NHS: variants seen among roughly 807,000 people sequenced by gnomAD.
NHS encodes the protein NHS actin remodeling regulator, also known as actin remodeling regulator NHS.
NHS carries 5 observed loss-of-function variants against 72.5 expected under a neutral mutation model. The ratio of observed to expected loss-of-function variants is 0.07; its 90% CI spans 0.04 to 0.14. The LOEUF (loss-of-function observed/expected upper bound fraction) is 0.14, where lower values mean the gene tolerates loss of function less well. NHS is among the 10% of genes least tolerant of loss of function. NHS has a pLI of 1.00. For missense variants in NHS, 1,072 were observed against 1,355.7 expected, an observed-to-expected ratio of 0.79 and a Z score of 3.29; for synonymous variants, 464 against 547.7, an observed-to-expected ratio of 0.85 and a Z score of 2.13.
chrX:17,563,636 G>A (rs1455941980), intron 1 of NHS, among the ~76,000 whole-genome samples: 1 of 112,153 alleles, frequency 8.9e-6, no homozygotes, highest in East Asian at 2.8e-4. Context: ...GTTTTTTCAG[G>A]AACTTTATAT....
At chrX:17,532,361 C>T (rs1189733221) in intron 1 of NHS, among the ~76,000 whole-genome samples, 1 of 110,412 alleles carries the variant, frequency 9.1e-6, no homozygotes, top group Non-Finnish European at 1.9e-5. Context: ...GGACCGGAGC[C>T]CCAGGAAACA....
intron 1 of NHS, among the ~76,000 whole-genome samples, chrX:17,459,210 A>G (rs1001781339): frequency 2.7e-5 from 3 of 112,614 alleles, no homozygotes; most frequent in Non-Finnish European, 5.6e-5. Flanking sequence ...CCATTTTGCC[A>G]AGTCTGCGGA....
intron 1 of NHS, among the ~76,000 whole-genome samples, chrX:17,573,867 G>A (rs190610511): frequency 9.0e-6 from 1 of 111,592 alleles, no homozygotes. Flanking sequence ...GTTTTGGTGT[G>A]GATGTCCTTT....
At chrX:17,585,738 GTAATAATAA>G (rs548692975) in intron 1 of NHS, among the ~76,000 whole-genome samples, 30 of 101,232 alleles carry the variant, frequency 3.0e-4, no homozygotes, top group South Asian at 8.5e-4. Context: ...AAAAATAATA[GTAATAATAA>G]TAATAATAAT....
intron 1 of NHS, among the ~76,000 whole-genome samples, chrX:17,442,667 C>A (rs1054584421): frequency 1.5e-4 from 17 of 112,233 alleles, no homozygotes; most frequent in African/African-American, 5.2e-4. Context: ...GAGTAGGGGG[C>A]AAATCACCAG....
intron 1 of NHS, among the ~76,000 whole-genome samples, chrX:17,638,983 T>TA (rs2147074335): frequency 8.9e-6 from 1 of 111,764 alleles, no homozygotes; most frequent in Admixed American, 9.4e-5. Flanking sequence ...AGCCAAATGT[T>TA]ACACTGAATT....
At chrX:17,452,140 A>T (rs951394462) in intron 1 of NHS, among the ~76,000 whole-genome samples, 37 of 111,744 alleles carry the variant, frequency 3.3e-4, no homozygotes, top group African/African-American at 1.1e-3. Flanking sequence ...ACATGTAAAT[A>T]GGCAATTGTG....
chrX:17,571,278 G>A (rs1163497951), intron 1 of NHS, among the ~76,000 whole-genome samples: 3 of 112,033 alleles, frequency 2.7e-5, no homozygotes, highest in Non-Finnish European at 3.8e-5. Context: ...GGTAGAATTC[G>A]GCTGTGAATC....
intron 1 of NHS, among the ~76,000 whole-genome samples, chrX:17,606,217 C>T (rs1569292201): frequency 8.9e-6 from 1 of 111,981 alleles, no homozygotes. Context: ...AGCATGTGGG[C>T]TGCTGTAAAG....
In NHS at chrX:17,727,016, G is replaced by A. The variant is rs771243823; in HGVS notation, c.2910G>A (p.Thr970=). 2.8e-5 allele frequency: 34 copies of A among 1,209,990 alleles called. No homozygotes were observed. The highest frequency in any genetic ancestry group is 3.6e-5 in the Non-Finnish European group (32 of 895,191). The change falls in exon 7 of 9, where the codon ACG becomes ACA. Residue 970 remains threonine, a synonymous_variant. Coordinates refer to ENST00000676302, the MANE Select transcript of NHS (RefSeq NM_001291867.2). ...CTCTATCTAATTCAAGCACCGCTAC[G>A]GGTACCACAGTCATTGAATGCATCA... is the stretch of plus-strand genomic sequence containing the variant. ...YRSLSNSSTA[T]GTTVIECIKS...
At position 17,733,684 on chromosome X, in the gene NHS, C is replaced by A. The variant is rs2066503199; in HGVS notation, c.*1220C>A. ...AAATTAACAGAAATGACACTGTGAACAATGTAGTTGGAAAATAGGTATGTG... is the reference window on the plus strand; with the variant it reads ...AAATTAACAGAAATGACACTGTGAAAAATGTAGTTGGAAAATAGGTATGTG... On this transcript the variant is annotated 3_prime_UTR_variant, in exon 9 of 9. Coordinates refer to ENST00000676302, the MANE Select transcript of NHS (RefSeq NM_001291867.2). 8.9e-6 allele frequency: 1 copy of A among 112,202 alleles called. No homozygotes were observed. Among genetic ancestry groups the A allele is most frequent in the Non-Finnish European group, 1.9e-5 (1 of 53,204 alleles). The allele number at this position is 112,202 out of a possible 1,213,427, so 9.2% of individuals were successfully genotyped here.
In NHS at chrX:17,565,139, G is replaced by A. The variant is rs780032773; in HGVS notation, c.566-122603G>A. On this transcript the variant is annotated intron_variant, in intron 1 of 8. Transcript: ENST00000676302. Reference sequence around the variant, plus strand: ...ACCCAGATCTTTAAGAGGCCTTGTGGCGTCCACCTTGTAGTGTCCCTCTTG... The same window carrying A: ...ACCCAGATCTTTAAGAGGCCTTGTGACGTCCACCTTGTAGTGTCCCTCTTG... 1.3e-3 allele frequency among the ~76,000 whole-genome samples: 142 copies of A among 111,185 alleles called. 1 individual carries two copies. Among genetic ancestry groups the A allele is most frequent in the Middle Eastern group, 9.3e-3 (2 of 215 alleles).
chrX:17,464,139 TC>T (rs2064861028), intron 1 of NHS, among the ~76,000 whole-genome samples: 1 of 112,011 alleles, frequency 8.9e-6, no homozygotes, highest in African/African-American at 3.2e-5. Flanking sequence ...AATTCTAGTT[TC>T]CATGGGTAGC....
chrX:17,487,289 G>C (rs146395160), intron 1 of NHS, among the ~76,000 whole-genome samples: 3,827 of 111,986 alleles, frequency 0.034, 194 homozygotes, highest in African/African-American at 0.12. Context: ...GCTTCTAGCA[G>C]GAATTCCACT....
intron 3 of NHS, among the ~76,000 whole-genome samples, chrX:17,693,928 A>T (rs756506208): frequency 8.9e-6 from 1 of 112,946 alleles, no homozygotes; most frequent in South Asian, 3.6e-4. Flanking sequence ...CTGCATAAAA[A>T]TGCTAAAATA....
chrX:17,484,369 TTTA>T (rs762242555), intron 1 of NHS, among the ~76,000 whole-genome samples: 8 of 111,441 alleles, frequency 7.2e-5, no homozygotes, highest in Non-Finnish European at 1.5e-4. Context: ...AAATGTAGGT[TTTA>T]TTATTATTCA....
At position 17,728,245 on chromosome X, in the gene NHS, C is replaced by A; in HGVS notation, c.4139C>A (p.Ala1380Asp). The A allele has an allele frequency of 8.3e-7, 1 of 1,211,654 alleles. No homozygotes were observed. Among genetic ancestry groups the A allele is most frequent in the Non-Finnish European group, 1.1e-6 (1 of 895,453 alleles). Reference sequence around the variant, plus strand: ...AAATGTTCCAAGCAGGAAAATATTGCTTCAGGTATTTCAGCCAAAAGTGCC... The same window carrying A: ...AAATGTTCCAAGCAGGAAAATATTGATTCAGGTATTTCAGCCAAAAGTGCC... ...PEKCSKQENI[A>D]SGISAKSASD... The change falls in exon 7 of 9, where the codon GCT becomes GAT. Residue 1380 changes from alanine to aspartate, a missense_variant. Coordinates refer to ENST00000676302, the MANE Select transcript of NHS (RefSeq NM_001291867.2).
chrX:17,421,725 C>T (rs781545116), intron 1 of NHS, among the ~76,000 whole-genome samples: 4 of 110,280 alleles, frequency 3.6e-5, no homozygotes, highest in East Asian at 2.9e-4. Flanking sequence ...TACAGCTGTG[C>T]GCCACCACAC....
chrX:17,594,298 G>A (rs188260703), intron 1 of NHS, among the ~76,000 whole-genome samples: 6 of 111,951 alleles, frequency 5.4e-5, no homozygotes, highest in African/African-American at 1.6e-4. Context: ...CAAAAAACAC[G>A]CCAGTGTAGA....
Sources: gnomAD v4.1 joint callset for allele counts (sites outside exome capture counted in the v4.1 genomes callset) on GRCh38, gnomAD v4.1.1 for gene constraint, MANE v1.5 for transcripts, NCBI Gene and HGNC (gene_info 2026-07-23, HGNC 2026-07-21) for gene names.